LYPLAL1: variants seen among roughly 807,000 people sequenced by gnomAD.
LYPLAL1 encodes lysophospholipase like 1, also known as lysophospholipase-like protein 1.
A neutral mutation model predicts 19.7 loss-of-function variants in LYPLAL1; 23 were observed. The ratio of observed to expected loss-of-function variants is 1.17; its 90% CI spans 0.84 to 1.65. LYPLAL1 has a LOEUF of 1.65. Ranked by LOEUF, LYPLAL1 falls within the 40% of genes most tolerant of loss-of-function variation. The pLI is 0.00. For synonymous variants in LYPLAL1, 119 were observed against 96.3 expected (o/e 1.24, Z -1.38); for missense variants, 355 against 279.4 (o/e 1.27, Z -1.93).
chr1:219,416,457 AGGTGGT>A, the LYPLAL1 span, among the ~76,000 whole-genome samples: 1 of 152,180 alleles, frequency 6.6e-6, no homozygotes, highest in African/African-American at 2.4e-5. Context: ...TTCAAGAGTG[AGGTGGT>A]GGTGTTAGAC....
the LYPLAL1 span, among the ~76,000 whole-genome samples, chr1:219,302,732 C>T: frequency 6.6e-6 from 1 of 152,174 alleles, no homozygotes; most frequent in Non-Finnish European, 1.5e-5. Context: ...GTCAGATTGT[C>T]CCTTTCCCTT....
At chr1:219,305,757 A>T in the LYPLAL1 span, among the ~76,000 whole-genome samples, 1 of 152,192 alleles carries the variant, frequency 6.6e-6, no homozygotes, top group African/African-American at 2.4e-5. Flanking sequence ...AAGAAATACA[A>T]GGCTGATTCC....
At position 219,210,522 on chromosome 1, in the gene LYPLAL1, T is replaced by G. The variant is rs759385790; in HGVS notation, c.362-10T>G. On this transcript the variant is annotated splice_polypyrimidine_tract_variant and intron_variant, in intron 3 of 4. Coordinates refer to ENST00000366928, the MANE Select transcript of LYPLAL1 (RefSeq NM_138794.5). ...ATGTATTCTACTTTTAAGTATGTTT[T>G]TGTTTTTAGGAGGATTCTCTATGGG... The G allele has an allele frequency of 6.0e-6, 9 of 1,510,438 alleles. No homozygotes were observed. In the East Asian group the frequency reaches 1.6e-4, roughly 27 times the overall value. 93.6% of individuals were successfully genotyped at this position (1,510,438 alleles called of 1,614,324 possible).
chr1:219,284,548 T>C, the LYPLAL1 span, among the ~76,000 whole-genome samples: 1 of 152,106 alleles, frequency 6.6e-6, no homozygotes, highest in Admixed American at 6.6e-5. Context: ...CAAGAAAATA[T>C]TAAATGGATT....
chr1:219,432,769 C>T, the LYPLAL1 span, among the ~76,000 whole-genome samples: 2 of 152,190 alleles, frequency 1.3e-5, no homozygotes, highest in African/African-American at 4.8e-5. Flanking sequence ...TAAAGTTAAG[C>T]ACTTAGAATA....
chr1:219,344,102 A>C, the LYPLAL1 span, among the ~76,000 whole-genome samples: 1 of 152,166 alleles, frequency 6.6e-6, no homozygotes, highest in East Asian at 1.9e-4. Context: ...CTGCCCCCTC[A>C]AAATGAACAC....
At chr1:219,312,394 T>G in the LYPLAL1 span, among the ~76,000 whole-genome samples, 3 of 152,028 alleles carry the variant, frequency 2.0e-5, no homozygotes, top group African/African-American at 7.3e-5. Flanking sequence ...TTTCCTCCTC[T>G]CCCTCAAAAC....
At chr1:219,191,299 C>G (rs1212352303) in intron 2 of LYPLAL1, among the ~76,000 whole-genome samples, 2 of 151,528 alleles carry the variant, frequency 1.3e-5, no homozygotes, top group Admixed American at 1.3e-4. Context: ...AACACGTATG[C>G]ATATGTTTAA....
the LYPLAL1 span, among the ~76,000 whole-genome samples, chr1:219,313,524 A>G: frequency 3.6e-5 from 3 of 84,386 alleles, no homozygotes; most frequent in East Asian, 1.9e-3. Flanking sequence ...TTCTTTTTAA[A>G]AAAACTTTTT....
intron 3 of LYPLAL1, among the ~76,000 whole-genome samples, chr1:219,206,137 C>T (rs1658552153): frequency 6.6e-6 from 1 of 151,934 alleles, no homozygotes; most frequent in South Asian, 2.1e-4. Context: ...GATTGATTAT[C>T]TTAATGTTCC....
the LYPLAL1 span, among the ~76,000 whole-genome samples, chr1:219,267,347 C>A: frequency 1.3e-5 from 2 of 152,126 alleles, no homozygotes; most frequent in East Asian, 1.9e-4. Flanking sequence ...GAACCTCTGG[C>A]CAAAGTCAAT....
intron 1 of LYPLAL1, among the ~76,000 whole-genome samples, chr1:219,178,696 C>T (rs1656017197): frequency 6.6e-6 from 1 of 151,964 alleles, no homozygotes; most frequent in South Asian, 2.1e-4. Context: ...ACATTTTGGA[C>T]TTTTTTTAAC....
chr1:219,358,892 C>A, the LYPLAL1 span, among the ~76,000 whole-genome samples: 69 of 152,080 alleles, frequency 4.5e-4, no homozygotes, highest in African/African-American at 1.6e-3. Context: ...CCAGTTGAGA[C>A]AGAGGTTATC....
At chr1:219,258,121 T>G in the LYPLAL1 span, among the ~76,000 whole-genome samples, 2 of 152,098 alleles carry the variant, frequency 1.3e-5, no homozygotes, top group Admixed American at 6.6e-5. Context: ...CCTTGTTCCC[T>G]AAAATTGCTG....
the LYPLAL1 span, among the ~76,000 whole-genome samples, chr1:219,235,049 A>T: frequency 6.6e-6 from 1 of 152,182 alleles, no homozygotes; most frequent in Admixed American, 6.5e-5. Flanking sequence ...TATCTTGCAT[A>T]ACATAATACA....
Position 219,204,828 on chromosome 1 carries a change from G to A in LYPLAL1, c.362-5704G>A, listed in dbSNP as rs565135684. Among the ~76,000 whole-genome samples, 48 of 152,182 alleles carry A rather than the reference G, an allele frequency of 3.2e-4. No homozygotes were observed. The South Asian group carries it at 9.8e-3, about 31-fold the overall frequency. ...ATTGGCCACTAGGTGGTGATAATTC[G>A]TTGTTAAGAGAGAATACTGTTATAA... is the stretch of plus-strand genomic sequence containing the variant. On this transcript the variant is annotated intron_variant, in intron 3 of 4. Transcript: ENST00000366928.
chr1:219,176,551 CT>C (rs1655827354), intron 1 of LYPLAL1, among the ~76,000 whole-genome samples: 2 of 152,144 alleles, frequency 1.3e-5, no homozygotes, highest in Admixed American at 6.5e-5. Context: ...TCAAAAAACT[CT>C]CCTGGTTCTT....
At chr1:219,279,445 G>A in the LYPLAL1 span, among the ~76,000 whole-genome samples, 2 of 152,184 alleles carry the variant, frequency 1.3e-5, no homozygotes, top group African/African-American at 2.4e-5. Context: ...AAGCTGTAAG[G>A]ACATTGGATG....
the LYPLAL1 span, among the ~76,000 whole-genome samples, chr1:219,390,989 G>C: frequency 0.033 from 4,996 of 152,174 alleles, 270 homozygotes; most frequent in African/African-American, 0.11. Context: ...AACACCTGAT[G>C]CATTCCAGAG....
Sources: allele counts gnomAD v4.1 joint callset (sites outside exome capture counted in the v4.1 genomes callset), GRCh38; gene constraint gnomAD v4.1.1; transcripts MANE v1.5; gene names NCBI Gene and HGNC (gene_info 2026-07-23, HGNC 2026-07-21).